Variants in ALKBH5 observed in about 807,000 individuals in gnomAD.
ALKBH5 encodes RNA demethylase ALKBH5.
Under a neutral mutation model 32.1 loss-of-function variants are expected in ALKBH5, and 2 were observed. The observed-to-expected ratio is 0.06, with a 90% CI of 0.03 to 0.20. The LOEUF is 0.20. ALKBH5 is among the 10% of genes least tolerant of loss of function. The pLI is 1.00. For missense variants in ALKBH5, 352 were observed against 559.5 expected (o/e 0.63, Z 3.74); for synonymous variants, 300 against 231.7 (o/e 1.29, Z -2.68).
Position 18,184,348 on chromosome 17 carries a change from A to AGCCGCC in ALKBH5, c.107_112dup (p.Ala36_Ala37dup). 2.0e-6 allele frequency: 3 copies of AGCCGCC among 1,509,448 alleles called. No homozygotes were observed. In the Admixed American group the frequency reaches 7.1e-5, roughly 36 times the overall value. The allele number at this position is 1,509,448 out of a possible 1,614,324, so 93.5% of individuals were successfully genotyped here. Reference sequence around the variant, plus strand: ...GCCGGGAGGCCGCCGCCGCTGCCGCAGCCGCCGTAGCCGCCGCAGCCGCAG... The same window carrying AGCCGCC: ...GCCGGGAGGCCGCCGCCGCTGCCGCAGCCGCCGCCGCCGTAGCCGCCGCAGCCGCAG... On this transcript the variant is annotated inframe_insertion, in exon 1 of 4. Transcript: ENST00000399138.
chr17:18,201,986 G>A (rs1008356638), intron 2 of ALKBH5, among the ~76,000 whole-genome samples: 1 of 151,958 alleles, frequency 6.6e-6, no homozygotes, highest in South Asian at 2.1e-4. Context: ...GTGCACTCCA[G>A]GCTGGGTGAT....
chr17:18,193,166 T>C (rs2047187155), intron 1 of ALKBH5, among the ~76,000 whole-genome samples: 1 of 151,744 alleles, frequency 6.6e-6, no homozygotes, highest in South Asian at 2.1e-4. Context: ...CTAGCCTGTC[T>C]ACTGTCTCTT....
At chr17:18,186,411 C>T (rs2047139776) in intron 1 of ALKBH5, among the ~76,000 whole-genome samples, 2 of 152,154 alleles carry the variant, frequency 1.3e-5, no homozygotes, top group Admixed American at 6.5e-5. Context: ...ACCCCATTGA[C>T]GGGTTCTCAG....
In ALKBH5 at chr17:18,208,706, C is replaced by T. The variant is rs1044466578; in HGVS notation, c.*310C>T. On this transcript the variant is annotated 3_prime_UTR_variant, in exon 4 of 4. Coordinates refer to ENST00000399138, the MANE Select transcript of ALKBH5 (RefSeq NM_017758.4). ...CAGAGCAGCCATCTTTTAAGTGGGG[C>T]TGTATCAGGCTGGGTTTATTTAAAA... 12 of 477,298 alleles carry T rather than the reference C, an allele frequency of 2.5e-5. No individual in the cohort carries two copies. The Admixed American group carries it at 3.9e-4, about 16-fold the overall frequency. 29.6% of individuals were successfully genotyped at this position (477,298 alleles called of 1,614,324 possible). A position where few individuals can be genotyped will look rare whatever the true frequency, so the allele number is the denominator to read the frequency against.
chr17:18,190,406 C>T (rs1360988893), intron 1 of ALKBH5, among the ~76,000 whole-genome samples: 4 of 152,050 alleles, frequency 2.6e-5, no homozygotes, highest in East Asian at 3.9e-4. Flanking sequence ...AAAAATTAGC[C>T]GGGCGTGGTG....
intron 2 of ALKBH5, among the ~76,000 whole-genome samples, chr17:18,198,120 G>A (rs944395991): frequency 4.2e-4 from 64 of 152,070 alleles, no homozygotes; most frequent in African/African-American, 1.4e-3. Flanking sequence ...ATTCTTCATC[G>A]TTCAGATTGA....
rs1014823331 is a variant in ALKBH5 at position 18,184,148 on chromosome 17, C to T, written c.-96C>T. The stretch of plus-strand genomic sequence containing the variant: ...CGCATGGGGGTTCGGCGCTAAGGAC[C>T]CCCCTCCCTCCGGGGGCCCCGGGGC... On this transcript the variant is annotated 5_prime_UTR_variant, in exon 1 of 4. Coordinates refer to ENST00000399138, the MANE Select transcript of ALKBH5 (RefSeq NM_017758.4). 7.9e-6 allele frequency: 9 copies of T among 1,133,176 alleles called. No individual in the cohort carries two copies. The Admixed American group carries it at 1.0e-4, about 13-fold the overall frequency. 70.2% of individuals were successfully genotyped at this position (1,133,176 alleles called of 1,614,324 possible). A position where few individuals can be genotyped will look rare whatever the true frequency, so the allele number is the denominator to read the frequency against.
intron 3 of ALKBH5, 29 bp from the exon 4 acceptor site, chr17:18,208,190 G>T: frequency 6.3e-7 from 1 of 1,579,810 alleles, no homozygotes; most frequent in African/African-American, 1.4e-5. Context: ...CAGCCTCTCA[G>T]ATAACGTCCT....
At chr17:18,195,321 CCT>C (rs2047198509) in intron 2 of ALKBH5, among the ~76,000 whole-genome samples, 1 of 152,196 alleles carries the variant, frequency 6.6e-6, no homozygotes, top group African/African-American at 2.4e-5. Flanking sequence ...TTCTTCCAAA[CCT>C]CACCCCACCC....
rs148333779 is a variant in ALKBH5, at chr17:18,184,837, C to T, written c.594C>T (p.Gly198=). ...CCGTCATCAACGACTACCAGCCCGG[C>T]GGCTGCATCGTGTCTCACGTGGACC... ...NSAVINDYQP[G]GCIVSHVDPI... is the part of the protein sequence containing the mutation. Residue 198 remains glycine, a synonymous_variant, in exon 1 of 4, where the codon GGC becomes GGT. Transcript: ENST00000399138. The T allele has an allele frequency of 8.7e-6, 14 of 1,614,164 alleles. No homozygotes were observed. In the South Asian group the frequency reaches 1.3e-4, roughly 15 times the overall value.
chr17:18,185,111 C>T (rs1236354584), intron 1 of ALKBH5, 98 bp downstream of exon 1: 8 of 1,496,888 alleles, frequency 5.3e-6, no homozygotes, highest in Middle Eastern at 1.8e-4. Context: ...GCGTTTTTTA[C>T]AGTTCTGACC....
rs1473216407 is a variant in ALKBH5, at chr17:18,183,976, A to T, written c.-268A>T. On this transcript the variant is annotated 5_prime_UTR_variant, in exon 1 of 4. Coordinates refer to ENST00000399138, the MANE Select transcript of ALKBH5 (RefSeq NM_017758.4). Reference sequence around the variant, plus strand: ...CTCCGCAGCAGCCCTCCGCGGCATGAGGCGCTGCCGGCGCCCCTGCCCCGC... The same window carrying T: ...CTCCGCAGCAGCCCTCCGCGGCATGTGGCGCTGCCGGCGCCCCTGCCCCGC... 3.2e-6 allele frequency: 2 copies of T among 630,980 alleles called. No homozygotes were observed. The highest frequency in any genetic ancestry group is 3.3e-5 in the East Asian group (1 of 30,108). 39.1% of individuals were successfully genotyped at this position (630,980 alleles called of 1,614,324 possible). A position where few individuals can be genotyped will look rare whatever the true frequency, so the allele number is the denominator to read the frequency against.
intron 1 of ALKBH5, among the ~76,000 whole-genome samples, 193 bp from the exon 2 acceptor site, chr17:18,194,762 G>GT (rs2047196291): frequency 6.6e-6 from 1 of 152,134 alleles, no homozygotes; most frequent in South Asian, 2.1e-4. Context: ...TTTTCCTTGA[G>GT]TATTACAGTC....
intron 1 of ALKBH5, among the ~76,000 whole-genome samples, chr17:18,193,581 C>G (rs965129844): frequency 6.6e-6 from 1 of 151,948 alleles, no homozygotes; most frequent in African/African-American, 2.4e-5. Context: ...AAGGTTTGTT[C>G]TATCCCCAGC....
In ALKBH5 at chr17:18,199,240, C is replaced by T. The variant is rs137910862; in HGVS notation, c.851+4205C>T. 8.6e-3 allele frequency among the ~76,000 whole-genome samples: 1,313 copies of T among 152,296 alleles called. 7 individuals are homozygous for T. The highest frequency in any genetic ancestry group is 0.014 in the Non-Finnish European group (970 of 68,026). ...TCCCTGAATGTTACTGTCTCCCAGC[C>T]GACCGAGGGCAAGCTGCCGCAGCAT... On this transcript the variant is annotated intron_variant, in intron 2 of 3. Transcript: ENST00000399138.
chr17:18,192,089 C>T (rs1216356914), intron 1 of ALKBH5, among the ~76,000 whole-genome samples: 1 of 152,174 alleles, frequency 6.6e-6, no homozygotes, highest in Non-Finnish European at 1.5e-5. Context: ...ACTAGAGTTC[C>T]TAGCTCTGGA....
In ALKBH5 at chr17:18,184,639, G is replaced by A. The variant is rs1165203736; in HGVS notation, c.396G>A (p.Lys132=). ...TGGACCGGGCCCCACTGCGCAACAA[G>A]TACTTCTTCGGCGAAGGCTACACTT... ...HTVDRAPLRN[K]YFFGEGYTYG... is the part of the protein sequence containing the mutation. The change falls in exon 1 of 4, where the codon AAG becomes AAA. Residue 132 remains lysine (K), a synonymous_variant. Coordinates refer to ENST00000399138, the MANE Select transcript of ALKBH5 (RefSeq NM_017758.4). The A allele has an allele frequency of 3.1e-6, 5 of 1,613,166 alleles. No homozygotes were observed. In the South Asian group the frequency reaches 4.4e-5, roughly 14 times the overall value.
chr17:18,190,374 A>T (rs1437763775), intron 1 of ALKBH5, among the ~76,000 whole-genome samples: 3 of 152,066 alleles, frequency 2.0e-5, no homozygotes, highest in Non-Finnish European at 4.4e-5. Context: ...AGATGGTGAA[A>T]GCCCGTCTCT....
intron 2 of ALKBH5, among the ~76,000 whole-genome samples, chr17:18,197,119 A>G (rs186736809): frequency 2.6e-4 from 40 of 152,304 alleles, no homozygotes; most frequent in Non-Finnish European, 4.3e-4. Context: ...GTCTGTTTTA[A>G]CTATAGTAGA....
Sources: allele counts gnomAD v4.1 joint callset (sites outside exome capture counted in the v4.1 genomes callset), GRCh38; gene constraint gnomAD v4.1.1; transcripts MANE v1.5; gene names NCBI Gene and HGNC (gene_info 2026-07-23, HGNC 2026-07-21).